Variants in GALNTL6 observed in about 807,000 individuals in gnomAD.
GALNTL6 encodes the protein polypeptide N-acetylgalactosaminyltransferase-like 6.
Under a neutral mutation model 73.7 loss-of-function variants are expected in GALNTL6, and 46 were observed. That is an observed-to-expected ratio of 0.62 (90% confidence interval 0.49 to 0.80). The LOEUF is 0.80. Ranked by LOEUF, GALNTL6 falls within the 30% of genes least tolerant of loss-of-function variation. The pLI is 0.00. For missense variants in GALNTL6, 604 were observed against 755.0 expected, an observed-to-expected ratio of 0.80 and a Z score of 2.34; for synonymous variants, 259 against 263.7, an observed-to-expected ratio of 0.98 and a Z score of 0.17.
chr4:172,865,566 C>G (rs1249693502), intron 7 of GALNTL6, among the ~76,000 whole-genome samples: 2 of 152,174 alleles, frequency 1.3e-5, no homozygotes, highest in African/African-American at 4.8e-5. Context: ...TGAACAACAA[C>G]TATAATTGTG....
chr4:172,397,504 C>T (rs1743888867), intron 5 of GALNTL6, among the ~76,000 whole-genome samples: 1 of 151,878 alleles, frequency 6.6e-6, no homozygotes, highest in Admixed American at 6.6e-5. Flanking sequence ...GTGAGCTGTA[C>T]ATTTATTGTT....
chr4:172,908,773 C>CA (rs967183868), intron 8 of GALNTL6, among the ~76,000 whole-genome samples: 13 of 150,576 alleles, frequency 8.6e-5, no homozygotes, highest in Non-Finnish European at 1.3e-4. Flanking sequence ...AAAACTCTGT[C>CA]AAAAAATGTT....
intron 3 of GALNTL6, among the ~76,000 whole-genome samples, chr4:172,273,382 G>A (rs755564648): frequency 6.6e-6 from 1 of 152,074 alleles, no homozygotes; most frequent in African/African-American, 2.4e-5. Context: ...TCATTTTTTT[G>A]TGTAAATATG....
chr4:172,994,722 G>T (rs1365641678), intron 10 of GALNTL6, among the ~76,000 whole-genome samples: 2 of 152,098 alleles, frequency 1.3e-5, no homozygotes, highest in Non-Finnish European at 2.9e-5. Flanking sequence ...TAGAAGACCG[G>T]CTATTACACT....
chr4:172,645,153 C>T (rs891103781), intron 5 of GALNTL6, among the ~76,000 whole-genome samples: 2 of 151,748 alleles, frequency 1.3e-5, no homozygotes, highest in East Asian at 3.9e-4. Flanking sequence ...TTTGACTTTT[C>T]ATTATTATAA....
At chr4:172,803,134 A>G (rs540000429) in intron 5 of GALNTL6, among the ~76,000 whole-genome samples, 11 of 152,308 alleles carry the variant, frequency 7.2e-5, no homozygotes, top group Admixed American at 1.3e-4. Context: ...TTGGGCAGAA[A>G]GAATAAACAG....
chr4:172,849,687 T>C (rs1743711243), intron 7 of GALNTL6, among the ~76,000 whole-genome samples: 1 of 152,234 alleles, frequency 6.6e-6, no homozygotes, highest in African/African-American at 2.4e-5. Context: ...CTTTCTATTT[T>C]TCTATGTTTT....
chr4:172,759,492 C>A (rs1205560954), intron 5 of GALNTL6, among the ~76,000 whole-genome samples: 1 of 152,190 alleles, frequency 6.6e-6, no homozygotes, highest in Non-Finnish European at 1.5e-5. Flanking sequence ...TATGTCATAC[C>A]ACTGATCTTT....
At chr4:172,477,775 A>T (rs1037329639) in intron 5 of GALNTL6, among the ~76,000 whole-genome samples, 1 of 152,164 alleles carries the variant, frequency 6.6e-6, no homozygotes, top group African/African-American at 2.4e-5. Flanking sequence ...CTCTTTGAAA[A>T]TCAGATACAT....
intron 5 of GALNTL6, among the ~76,000 whole-genome samples, chr4:172,706,282 A>C (rs1444340484): frequency 6.6e-6 from 1 of 151,868 alleles, no homozygotes; most frequent in Non-Finnish European, 1.5e-5. Flanking sequence ...TTGTATTTCT[A>C]AGCTCCAGGA....
At chr4:172,299,358 T>G (rs1739817516) in intron 3 of GALNTL6, among the ~76,000 whole-genome samples, 2 of 152,230 alleles carry the variant, frequency 1.3e-5, no homozygotes, top group East Asian at 1.9e-4. Context: ...TTTTTGTGTC[T>G]CTATTTCCTT....
chr4:172,046,178 A>C (rs1445835438), intron 2 of GALNTL6, among the ~76,000 whole-genome samples: 1 of 152,056 alleles, frequency 6.6e-6, no homozygotes, highest in East Asian at 1.9e-4. Flanking sequence ...TTGATTCCAC[A>C]ACTTGGCTGT....
chr4:172,318,490 C>T (rs1430082790), intron 4 of GALNTL6, among the ~76,000 whole-genome samples: 1 of 152,058 alleles, frequency 6.6e-6, no homozygotes, highest in Non-Finnish European at 1.5e-5. Context: ...ATCATGAGGT[C>T]AGGGGTTCGA....
intron 2 of GALNTL6, among the ~76,000 whole-genome samples, chr4:171,821,034 A>ATATT (rs1206766142): frequency 6.6e-6 from 1 of 151,526 alleles, no homozygotes; most frequent in Non-Finnish European, 1.5e-5. Flanking sequence ...TTTCCCTCAT[A>ATATT]TATTTATTTA....
chr4:171,880,514 A>G (rs75387688), intron 2 of GALNTL6, among the ~76,000 whole-genome samples: 4 of 152,220 alleles, frequency 2.6e-5, no homozygotes, highest in Non-Finnish European at 5.9e-5. Flanking sequence ...TAGATCACCC[A>G]AAGGGTAGGG....
At chr4:172,678,000 A>G (rs1732403837) in intron 5 of GALNTL6, among the ~76,000 whole-genome samples, 1 of 151,492 alleles carries the variant, frequency 6.6e-6, no homozygotes, top group Non-Finnish European at 1.5e-5. Context: ...GGTGGAAAAG[A>G]GTCATGCATG....
intron 5 of GALNTL6, among the ~76,000 whole-genome samples, chr4:172,349,956 T>C (rs11722301): frequency 1.3e-5 from 2 of 152,088 alleles, no homozygotes; most frequent in African/African-American, 4.8e-5. Flanking sequence ...AGCCACTGTC[T>C]AAAACTGAAA....
chr4:172,905,832 AAAAAG>A (rs1181002967), intron 8 of GALNTL6, among the ~76,000 whole-genome samples: 1 of 149,750 alleles, frequency 6.7e-6, no homozygotes, highest in Non-Finnish European at 1.5e-5. Flanking sequence ...AAAAAAAAAA[AAAAAG>A]GAGAACAAGA....
chr4:172,116,428 G>A lies in GALNTL6; in HGVS notation c.139-113228G>A, dbSNP rs71607867. Among the ~76,000 whole-genome samples the A allele has an allele frequency of 2.6e-3, 399 of 152,218 alleles. 2 individuals carry two copies. Among genetic ancestry groups the A allele is most frequent in the African/African-American group, 8.6e-3 (357 of 41,542 alleles). On this transcript the variant is annotated intron_variant, in intron 2 of 12. Coordinates refer to ENST00000506823, the MANE Select transcript of GALNTL6 (RefSeq NM_001034845.3). ...GATTTTTAGATGACTGTTATCCCAA[G>A]ATGACTTTTATTATCTATTATCCCA...
Sources: gnomAD v4.1 joint callset for allele counts (sites outside exome capture counted in the v4.1 genomes callset) on GRCh38, gnomAD v4.1.1 for gene constraint, MANE v1.5 for transcripts, NCBI Gene and HGNC (gene_info 2026-07-23, HGNC 2026-07-21) for gene names.